The following CCDC192 variants were observed in gnomAD, a reference collection of about 807,000 sequenced individuals.
CCDC192 encodes the protein coiled-coil domain-containing protein 192.
At chr5:127,755,929 G>A (rs1042831137) in intron 3 of CCDC192, among the ~76,000 whole-genome samples, 7 of 151,936 alleles carry the variant, frequency 4.6e-5, no homozygotes, top group African/African-American at 1.2e-4. Context: ...TCAAGAGATC[G>A]AGACCATCCT....
At chr5:127,864,459 CTT>C (rs1176937261) in intron 5 of CCDC192, among the ~76,000 whole-genome samples, 1 of 152,162 alleles carries the variant, frequency 6.6e-6, no homozygotes, top group Non-Finnish European at 1.5e-5. Flanking sequence ...CTTAAAGATC[CTT>C]GCTTGGGAGT....
intron 3 of CCDC192, among the ~76,000 whole-genome samples, chr5:127,793,009 C>T (rs1305504087): frequency 3.3e-5 from 5 of 152,104 alleles, no homozygotes; most frequent in African/African-American, 9.7e-5. Context: ...CAAAATACAG[C>T]ATAGATTGGG....
intron 1 of CCDC192, among the ~76,000 whole-genome samples, chr5:127,703,742 A>G (rs1279070570): frequency 6.6e-6 from 1 of 152,158 alleles, no homozygotes; most frequent in Non-Finnish European, 1.5e-5. Flanking sequence ...GAACAAATAA[A>G]TTGTCCCTTA....
chr5:127,864,101 A>G (rs781472751), intron 5 of CCDC192, among the ~76,000 whole-genome samples: 1 of 152,176 alleles, frequency 6.6e-6, no homozygotes, highest in Non-Finnish European at 1.5e-5. Context: ...TGTCGCTCCC[A>G]CTATTACAAA....
intron 5 of CCDC192, among the ~76,000 whole-genome samples, chr5:127,819,027 T>C (rs1357516727): frequency 6.6e-6 from 1 of 152,180 alleles, no homozygotes; most frequent in Non-Finnish European, 1.5e-5. Flanking sequence ...AGTGCTGGGC[T>C]CTTCCTGTGA....
intron 6 of CCDC192, among the ~76,000 whole-genome samples, chr5:127,888,580 C>A (rs965950855): frequency 6.6e-6 from 1 of 151,894 alleles, no homozygotes; most frequent in African/African-American, 2.4e-5. Flanking sequence ...AATGGAAATG[C>A]CACGTTTATT....
intron 2 of CCDC192, among the ~76,000 whole-genome samples, chr5:127,720,113 T>C (rs4836331): frequency 0.055 from 8,406 of 152,230 alleles, 538 homozygotes; most frequent in East Asian, 0.27. Flanking sequence ...ATTTCAGCAT[T>C]AACTCAAAAG....
intron 5 of CCDC192, among the ~76,000 whole-genome samples, chr5:127,808,889 G>A (rs559408988): frequency 3.3e-5 from 5 of 152,270 alleles, no homozygotes; most frequent in Admixed American, 3.3e-4. Context: ...GAGTAAGTGA[G>A]AGAATGTATA....
intron 1 of CCDC192, among the ~76,000 whole-genome samples, chr5:127,705,394 G>A (rs1181735987): frequency 6.6e-6 from 1 of 152,148 alleles, no homozygotes; most frequent in Non-Finnish European, 1.5e-5. Context: ...ATCTGAGTAT[G>A]CACATAAGGG....
intron 6 of CCDC192, among the ~76,000 whole-genome samples, chr5:127,893,848 A>C (rs1752796915): frequency 6.6e-6 from 1 of 152,180 alleles, no homozygotes; most frequent in Admixed American, 6.5e-5. Flanking sequence ...ATTCAGCAAT[A>C]ATGCATTAAT....
chr5:127,714,671 G>C lies in CCDC192; in HGVS notation c.114+6911G>C, dbSNP rs557773609. On this transcript the variant is annotated intron_variant, in intron 2 of 6. Coordinates refer to ENST00000514853, the MANE Select transcript of CCDC192 (RefSeq NM_001317938.2). ...AGGCATGAGCCACTACGCCTGGCCAGTAGTTCTATTTTTAATTTTTAAGGT... is the reference window on the plus strand; with the variant it reads ...AGGCATGAGCCACTACGCCTGGCCACTAGTTCTATTTTTAATTTTTAAGGT... Among the ~76,000 whole-genome samples the C allele has an allele frequency of 5.3e-5, 8 of 152,208 alleles. No homozygotes were observed. The East Asian group carries it at 1.4e-3, about 26-fold the overall frequency.
At chr5:127,890,397 G>A (rs1202815428) in intron 6 of CCDC192, among the ~76,000 whole-genome samples, 69 of 149,540 alleles carry the variant, frequency 4.6e-4, no homozygotes, top group Admixed American at 4.5e-3. Flanking sequence ...TTGGTGTTTT[G>A]AGATGCCACT....
At chr5:127,886,639 T>C (rs1216437048) in intron 6 of CCDC192, among the ~76,000 whole-genome samples, 2 of 152,230 alleles carry the variant, frequency 1.3e-5, no homozygotes, top group East Asian at 1.9e-4. Flanking sequence ...CAGTATATGA[T>C]ACATATAACA....
chr5:127,756,394 G>T (rs11742993), intron 3 of CCDC192, among the ~76,000 whole-genome samples: 48,552 of 151,696 alleles, frequency 0.32, 8,562 homozygotes, highest in Middle Eastern at 0.42. Context: ...AATTCGACGG[G>T]GAGGGGCCCG....
At chr5:127,907,747 T>G (rs867751577) in intron 6 of CCDC192, among the ~76,000 whole-genome samples, 4 of 152,254 alleles carry the variant, frequency 2.6e-5, no homozygotes, top group African/African-American at 9.6e-5. Flanking sequence ...ACAAGATTTA[T>G]TATTTATCAA....
Position 127,884,361 on chromosome 5 carries a change from AAAAAAAAAG to A in CCDC192, c.535+8703_535+8711del, listed in dbSNP as rs1233090284. ...CCGTCTCAAAAAAAAAAAAAAAAAA[AAAAAAAAAG>A]AAGAGGGAAGAGACTGCATCTCAAA... On this transcript the variant is annotated intron_variant, in intron 6 of 6. Transcript: ENST00000514853. Among the ~76,000 whole-genome samples, 5 of 147,526 alleles carry A rather than the reference AAAAAAAAAG, an allele frequency of 3.4e-5. No individual in the cohort carries two copies. In the East Asian group the frequency reaches 7.8e-4, roughly 23 times the overall value.
intron 2 of CCDC192, among the ~76,000 whole-genome samples, chr5:127,740,522 A>G (rs547430345): frequency 1.6e-4 from 24 of 152,312 alleles, no homozygotes; most frequent in African/African-American, 5.3e-4. Flanking sequence ...TGAAACTTCA[A>G]TTTCAATGAA....
chr5:127,858,837 G>A (rs1166039618), intron 5 of CCDC192, among the ~76,000 whole-genome samples: 3 of 152,082 alleles, frequency 2.0e-5, no homozygotes, highest in Non-Finnish European at 4.4e-5. Flanking sequence ...TCAGAAAAAA[G>A]GAGCCAGCTA....
intron 3 of CCDC192, among the ~76,000 whole-genome samples, chr5:127,792,735 G>A (rs1482435420): frequency 6.6e-6 from 1 of 151,140 alleles, no homozygotes; most frequent in African/African-American, 2.4e-5. Context: ...AAAAGGAGGA[G>A]AAGGAAAAGG....
Sources: gnomAD v4.1 joint callset for allele counts (sites outside exome capture counted in the v4.1 genomes callset) on GRCh38, gnomAD v4.1.1 for gene constraint, MANE v1.5 for transcripts, NCBI Gene and HGNC (gene_info 2026-07-23, HGNC 2026-07-21) for gene names.